Variants in PTCH1 observed in about 807,000 individuals in gnomAD.
The protein encoded by PTCH1 is protein patched homolog 1.
A neutral mutation model predicts 144.6 loss-of-function variants in PTCH1; 14 were observed. The observed-to-expected ratio is 0.10, with a 90% CI of 0.06 to 0.15. PTCH1 has a LOEUF of 0.15. Among genes scored for constraint, PTCH1 ranks in the 10% least tolerant of loss-of-function variants. PTCH1 has a pLI of 1.00. For synonymous variants in PTCH1, 833 were observed against 793.6 expected (o/e 1.05, Z -0.83); for missense variants, 1,623 against 1,948.3 (o/e 0.83, Z 3.14).
Position 95,508,474 on chromosome 9 carries a change from G to T in PTCH1, c.-113C>A. The T allele has an allele frequency of 9.8e-7, 1 of 1,021,680 alleles. No individual in the cohort carries two copies. Among genetic ancestry groups the T allele is most frequent in the South Asian group, 4.4e-5 (1 of 22,482 alleles). The allele number at this position is 1,021,680 out of a possible 1,614,324, so 63.3% of individuals were successfully genotyped here. On this transcript the variant is annotated 5_prime_UTR_variant, in exon 1 of 24. Transcript: ENST00000331920. ...GCCTGGGCGCTCGGCTTGCGAGGAC[G>T]CTGCTGGCCGCAGGCTGCTCGGGCT...
intron 5 of PTCH1, 46 bp downstream of exon 5, chr9:95,481,903 G>A (rs2118456495): frequency 6.8e-7 from 1 of 1,464,922 alleles, no homozygotes; most frequent in Non-Finnish European, 9.6e-7. Context: ...GAAACACTGA[G>A]TCCTAGAGAA....
intron 20 of PTCH1, 36 bp downstream of exon 20, chr9:95,453,442 T>C (rs765842672): frequency 1.9e-6 from 3 of 1,613,132 alleles, no homozygotes. Context: ...ATCACAATGA[T>C]TTCTAAAACA....
chr9:95,505,789 T>A (rs1042281873), intron 2 of PTCH1, among the ~76,000 whole-genome samples: 10 of 151,880 alleles, frequency 6.6e-5, no homozygotes, highest in Non-Finnish European at 1.5e-4. Context: ...CCGCGTTTTT[T>A]GTACCTTGAG....
In PTCH1 at chr9:95,459,694, G is replaced by T. The variant is rs1162747889; in HGVS notation, c.2793C>A (p.Pro931=). The T allele has an allele frequency of 6.2e-7, 1 of 1,614,184 alleles. No homozygotes were observed. The highest frequency in any genetic ancestry group is 1.1e-5 in the South Asian group (1 of 91,082). The change falls in exon 17 of 24, where the codon CCC becomes CCA. Residue 931 remains proline, a synonymous_variant. Transcript: ENST00000331920. ...IYLTAWVSND[P]VAYAASQANI... ...TGGCCTGGGAGGCAGCATACGCGAC[G>T]GGGTCGTTGCTGACCCAAGCCGTCA...
In PTCH1 at chr9:95,447,230, G is replaced by T. The variant is rs576944494; in HGVS notation, c.4026C>A (p.Arg1342=). The T allele has an allele frequency of 6.2e-7, 1 of 1,611,584 alleles. No individual in the cohort carries two copies. The highest frequency in any genetic ancestry group is 1.1e-5 in the South Asian group (1 of 91,070). ...TCCGAGGGTTGTGAGAACGGGCCCC[G>T]CGAGGGCCCCAGCGGGCCCTATTGC... ...GPSNRARWGP[R]GARSHNPRNP... is the part of the protein sequence containing the mutation. The change falls in exon 23 of 24, where the codon CGC becomes CGA. Residue 1342 remains arginine (R), a synonymous_variant. Transcript: ENST00000331920.
At chr9:95,461,820 C>T (rs759116001) in intron 16 of PTCH1, 36 bp downstream of exon 16, 69 of 1,613,320 alleles carry the variant, frequency 4.3e-5, no homozygotes, top group Non-Finnish European at 5.8e-5. Flanking sequence ...GCCCCGCAGC[C>T]CTGGAAGCGC....
In PTCH1 at chr9:95,499,098, A is replaced by C. The variant is rs114077726; in HGVS notation, c.394+7309T>G. On this transcript the variant is annotated intron_variant, in intron 2 of 23. Transcript: ENST00000331920. ...CCAGTTCTTCCACTGTCCATGCGCCACGGTAAGCACAGGGGACCAAGACTT... is the reference window on the plus strand; with the variant it reads ...CCAGTTCTTCCACTGTCCATGCGCCCCGGTAAGCACAGGGGACCAAGACTT... 6.7e-3 allele frequency among the ~76,000 whole-genome samples: 1,015 copies of C among 152,150 alleles called. 15 individuals are homozygous for C. Among genetic ancestry groups the C allele is most frequent in the African/African-American group, 0.024 (978 of 41,488 alleles).
intron 19 of PTCH1, among the ~76,000 whole-genome samples, chr9:95,454,482 A>G (rs1357812701): frequency 6.6e-6 from 1 of 152,222 alleles, no homozygotes; most frequent in Non-Finnish European, 1.5e-5. Flanking sequence ...AAATATACAA[A>G]GGTGTGCTAA....
Position 95,449,348 on chromosome 9 carries a change from A to G in PTCH1, c.3550-25T>C, listed in dbSNP as rs1408121811. 2 of 1,540,798 alleles carry G rather than the reference A, an allele frequency of 1.3e-6. No individual in the cohort carries two copies. Among genetic ancestry groups the G allele is most frequent in the Non-Finnish European group, 1.7e-6 (2 of 1,147,282 alleles). On this transcript the variant is annotated intron_variant, in intron 21 of 23. Transcript: ENST00000331920. This position sits in a 1 kb window ranked among gnomAD's most constrained non-coding sequence, Gnocchi z 5.3. ...CCTATTTAAGGGGATTCCATGTTAA[A>G]AGTGTTCTTGTCCATTTACCTGCTG...
chr9:95,482,341 C>T, intron 3 of PTCH1, 138 bp from the exon 4 acceptor site: 1 of 808,114 alleles, frequency 1.2e-6, no homozygotes, highest in Non-Finnish European at 2.0e-6. Flanking sequence ...AGAGCTTTTG[C>T]CAAGTAGAGA....
intron 20 of PTCH1, chr9:95,451,124 A>G (rs1034044492): frequency 1.3e-5 from 2 of 152,236 alleles, no homozygotes; most frequent in Non-Finnish European, 2.9e-5. Context: ...AATCCCCATA[A>G]AAATACAAAT....
At chr9:95,463,874 G>A (rs1292612152) in intron 15 of PTCH1, among the ~76,000 whole-genome samples, 4 of 152,156 alleles carry the variant, frequency 2.6e-5, no homozygotes, top group African/African-American at 9.7e-5. Flanking sequence ...CCTACAGTGC[G>A]GGGACACACC....
At chr9:95,510,634 C>G (rs1844102477), upstream of PTCH1, among the ~76,000 whole-genome samples, 1 of 150,442 alleles carries the variant, frequency 6.6e-6, no homozygotes, top group Non-Finnish European at 1.5e-5. Flanking sequence ...TTTTTTTAAA[C>G]GGGGTTGAAC....
In PTCH1 at chr9:95,476,279, C is replaced by A; in HGVS notation, c.1603-120G>T. The A allele has an allele frequency of 6.9e-7, 1 of 1,453,016 alleles. No homozygotes were observed. The highest frequency in any genetic ancestry group is 9.3e-7 in the Non-Finnish European group (1 of 1,070,998). The allele number at this position is 1,453,016 out of a possible 1,614,324, so 90.0% of individuals were successfully genotyped here. ...CTGTTATTACAGCTTATCATGCTGG[C>A]ATTAGGGAAACAGAGCCACCTGCCT... is the stretch of plus-strand genomic sequence containing the variant. On this transcript the variant is annotated intron_variant, in intron 11 of 23. Coordinates refer to ENST00000331920, the MANE Select transcript of PTCH1 (RefSeq NM_000264.5). The surrounding 1 kb of genome is among the most constrained non-coding windows in gnomAD (Gnocchi z 4.6).
rs754065147 is a variant in PTCH1 at position 95,447,102 on chromosome 9, G to A, written c.4154C>T (p.Pro1385Leu). 2.5e-6 allele frequency: 4 copies of A among 1,613,684 alleles called. No homozygotes were observed. Among genetic ancestry groups the A allele is most frequent in the Non-Finnish European group, 3.4e-6 (4 of 1,180,012 alleles). The change falls in exon 23 of 24, where the codon CCT becomes CTT. Residue 1385 changes from proline to leucine, a missense_variant. Pro to Leu is a moderately conservative substitution (Grantham distance 98, BLOSUM62 -3). Coordinates refer to ENST00000331920, the MANE Select transcript of PTCH1 (RefSeq NM_000264.5). ...ASVTVAVHPP[P>L]VPGPGRNPRG... ...GGGGTTCCGCCCAGGCCCAGGGACA[G>A]GCGGCGGGTGCACGGCGACAGTCAC...
chr9:95,485,936 G>A (rs1841935827), intron 2 of PTCH1, 62 bp from the exon 3 acceptor site: 25 of 1,564,292 alleles, frequency 1.6e-5, no homozygotes, highest in East Asian at 6.7e-5. Context: ...TGTTTTATCT[G>A]TTATCTGACT....
At position 95,446,172 on chromosome 9, in the gene PTCH1, T is replaced by G. The variant is rs1340417415; in HGVS notation, c.*221A>C. ...GTGGAGAAGCCCCAGATCATACCAC[T>G]TTACATCCTTCCTTCCTATATTACA... On this transcript the variant is annotated 3_prime_UTR_variant, in exon 24 of 24. Coordinates refer to ENST00000331920, the MANE Select transcript of PTCH1 (RefSeq NM_000264.5). 2.9e-6 allele frequency: 1 copy of G among 345,804 alleles called. No individual in the cohort carries two copies. The highest frequency in any genetic ancestry group is 7.4e-5 in the East Asian group (1 of 13,602). The allele number at this position is 345,804 out of a possible 1,614,324, so 21.4% of individuals were successfully genotyped here. A position where few individuals can be genotyped will look rare whatever the true frequency, so the allele number is the denominator to read the frequency against.
Position 95,516,820 on chromosome 9 carries a change from T to C in PTCH1, c.-349A>G, listed in dbSNP as rs755103500. On this transcript the variant is annotated 5_prime_UTR_variant, in exon 1 of 23. Coordinates refer to the PTCH1 transcript ENST00000430669. ...AGCCTGTTTCTATTAAGCAGTTCCA[T>C]GGCCCTCGGCGTGGGTGGTCTGCCG... is the stretch of plus-strand genomic sequence containing the variant. 30 of 1,600,576 alleles carry C rather than the reference T, an allele frequency of 1.9e-5. No homozygotes were observed. In the East Asian group the frequency reaches 6.5e-4, roughly 35 times the overall value.
Position 95,480,602 on chromosome 9 carries a change from T to C in PTCH1, c.747-14A>G, listed in dbSNP as rs373907227. 1.2e-6 allele frequency: 2 copies of C among 1,608,674 alleles called. No homozygotes were observed. The highest frequency in any genetic ancestry group is 1.7e-5 in the Admixed American group (1 of 59,960). ...GGAGGTTTACCTCTGCAAAAGAAATTAGGAGACGAGACCATGAAAAGAGCC... is the reference window on the plus strand; with the variant it reads ...GGAGGTTTACCTCTGCAAAAGAAATCAGGAGACGAGACCATGAAAAGAGCC... On this transcript the variant is annotated splice_polypyrimidine_tract_variant and intron_variant, in intron 5 of 23. Transcript: ENST00000331920.
Sources: allele counts gnomAD v4.1 joint callset (sites outside exome capture counted in the v4.1 genomes callset), GRCh38; gene constraint gnomAD v4.1.1; non-coding constraint Gnocchi (gnomAD v3.1); transcripts MANE v1.5; gene names NCBI Gene and HGNC (gene_info 2026-07-23, HGNC 2026-07-21).